UBE2K: variants seen among roughly 807,000 people sequenced by gnomAD.
UBE2K encodes the protein ubiquitin conjugating enzyme E2 K, also known as ubiquitin-conjugating enzyme E2 K.
Under a neutral mutation model 30.0 loss-of-function variants are expected in UBE2K, and 6 were observed. The ratio of observed to expected loss-of-function variants is 0.20; its 90% CI spans 0.11 to 0.39. The LOEUF (loss-of-function observed/expected upper bound fraction) is 0.39, where lower values mean the gene tolerates loss of function less well. Ranked by LOEUF, UBE2K falls within the 10% of genes least tolerant of loss-of-function variation. The pLI is 1.00. For synonymous variants in UBE2K, 86 were observed against 83.7 expected, an observed-to-expected ratio of 1.03 and a Z score of -0.15; for missense variants, 61 against 241.6, an observed-to-expected ratio of 0.25 and a Z score of 4.96.
chr4:39,706,616 C>T (rs1443266136), intron 1 of UBE2K, among the ~76,000 whole-genome samples: 2 of 151,120 alleles, frequency 1.3e-5, no homozygotes, highest in African/African-American at 2.4e-5. Flanking sequence ...GGATTACAGG[C>T]GCGCCCCACC....
chr4:39,768,712 C>G (rs564925488), intron 4 of UBE2K, among the ~76,000 whole-genome samples: 9 of 152,248 alleles, frequency 5.9e-5, no homozygotes, highest in South Asian at 2.1e-4. Context: ...AAACTCCATA[C>G]TGTTTTTCCA....
chr4:39,758,683 TA>T (rs373040924), intron 4 of UBE2K, among the ~76,000 whole-genome samples: 160 of 134,476 alleles, frequency 1.2e-3, no homozygotes, highest in Non-Finnish European at 1.1e-3. Flanking sequence ...ATCTCAAAAA[TA>T]AAAAAAAAAA....
chr4:39,718,716 G>A (rs1177696756), intron 1 of UBE2K, among the ~76,000 whole-genome samples: 5 of 152,222 alleles, frequency 3.3e-5, no homozygotes, highest in African/African-American at 9.6e-5. Flanking sequence ...TGGGGGACCC[G>A]GCCGCATCCT....
rs28407810 is a variant in UBE2K, at chr4:39,769,384, C to G, written c.300-5450C>G. Among the ~76,000 whole-genome samples, 907 of 151,564 alleles carry G rather than the reference C, an allele frequency of 6.0e-3. 11 individuals are homozygous for G. Among genetic ancestry groups the G allele is most frequent in the African/African-American group, 0.021 (864 of 41,234 alleles). On this transcript the variant is annotated intron_variant, in intron 4 of 6. Coordinates refer to ENST00000261427, the MANE Select transcript of UBE2K (RefSeq NM_005339.5). ...CCAACAGCCCTTCTTGTGTTCTTTTCTAAGTGCCTTACCCCCCCACCCCCA... is the reference window on the plus strand; with the variant it reads ...CCAACAGCCCTTCTTGTGTTCTTTTGTAAGTGCCTTACCCCCCCACCCCCA...
chr4:39,757,007 T>TG (rs1560370498), intron 4 of UBE2K, among the ~76,000 whole-genome samples: 1 of 117,614 alleles, frequency 8.5e-6, no homozygotes, highest in African/African-American at 3.6e-5. Context: ...GGTGTTTTTT[T>TG]TTTGTTTTTT....
At chr4:39,757,086 C>T (rs558939730) in intron 4 of UBE2K, among the ~76,000 whole-genome samples, 92 of 138,772 alleles carry the variant, frequency 6.6e-4, no homozygotes, top group African/African-American at 2.3e-3. Context: ...AGTGCAGTGG[C>T]ACGATCTTGG....
intron 1 of UBE2K, among the ~76,000 whole-genome samples, chr4:39,704,384 G>A (rs916254481): frequency 2.6e-5 from 4 of 151,938 alleles, no homozygotes; most frequent in Non-Finnish European, 4.4e-5. Flanking sequence ...TCTGGAATGG[G>A]TTGAGCAAGG....
intron 4 of UBE2K, among the ~76,000 whole-genome samples, chr4:39,762,747 G>C (rs2109389133): frequency 6.6e-6 from 1 of 152,274 alleles, no homozygotes; most frequent in African/African-American, 2.4e-5. Context: ...CGATTCTCCT[G>C]CCTCATCCTC....
chr4:39,768,415 C>T (rs1366137097), intron 4 of UBE2K, among the ~76,000 whole-genome samples: 1 of 147,900 alleles, frequency 6.8e-6, no homozygotes, highest in Non-Finnish European at 1.5e-5. Context: ...CCACTGCACT[C>T]CAGCCTGGGG....
intron 1 of UBE2K, among the ~76,000 whole-genome samples, chr4:39,719,742 C>T (rs893132625): frequency 3.9e-5 from 6 of 152,138 alleles, no homozygotes; most frequent in Admixed American, 6.6e-5. Context: ...TGCTTCTCAG[C>T]GAGCTGATAA....
At chr4:39,715,463 T>A (rs1251954776) in intron 1 of UBE2K, among the ~76,000 whole-genome samples, 4 of 152,050 alleles carry the variant, frequency 2.6e-5, no homozygotes, top group African/African-American at 9.7e-5. Context: ...TGGGCCACCA[T>A]GCCCGTCTGC....
intron 1 of UBE2K, among the ~76,000 whole-genome samples, chr4:39,705,726 C>T (rs1267929506): frequency 2.6e-5 from 4 of 152,134 alleles, no homozygotes; most frequent in African/African-American, 9.6e-5. Context: ...TCGGCTCTAT[C>T]ACCCAGCCTG....
chr4:39,741,795 G>A (rs973858434), intron 2 of UBE2K, among the ~76,000 whole-genome samples: 3 of 152,070 alleles, frequency 2.0e-5, no homozygotes, highest in Non-Finnish European at 4.4e-5. Flanking sequence ...ATTGTTGACA[G>A]CTTAAAAATT....
rs1367802092 is a variant in UBE2K, at chr4:39,728,830, T to G, written c.64-8590T>G. 7.3e-5 allele frequency among the ~76,000 whole-genome samples: 11 copies of G among 150,020 alleles called. No homozygotes were observed. In the South Asian group the frequency reaches 1.9e-3, roughly 26 times the overall value. On this transcript the variant is annotated intron_variant, in intron 1 of 6. Transcript: ENST00000261427. ...GTAGGTTTTTTTTGTTTTTTTTGTT[T>G]TTTTTTTTTTGTATTTTTAGTAGAG... is the stretch of plus-strand genomic sequence containing the variant.
At chr4:39,770,136 G>A (rs1578503530) in intron 4 of UBE2K, 1 of 1,597,826 alleles carries the variant, frequency 6.3e-7, no homozygotes, top group Middle Eastern at 2.2e-4. Flanking sequence ...GTTCTCGGCG[G>A]TGGTCTTGCC....
chr4:39,729,916 C>T (rs1719978564), intron 1 of UBE2K, among the ~76,000 whole-genome samples: 1 of 152,218 alleles, frequency 6.6e-6, no homozygotes, highest in Non-Finnish European at 1.5e-5. Flanking sequence ...AGGAAGCTTC[C>T]TCTTACTTTC....
At chr4:39,775,138 T>C (rs1309697991) in intron 5 of UBE2K, among the ~76,000 whole-genome samples, 1 of 152,254 alleles carries the variant, frequency 6.6e-6, no homozygotes, top group African/African-American at 2.4e-5. Flanking sequence ...GATGCTGTTT[T>C]CCTAACATGA....
At chr4:39,726,236 T>C (rs1338628987) in intron 1 of UBE2K, among the ~76,000 whole-genome samples, 2 of 152,180 alleles carry the variant, frequency 1.3e-5, no homozygotes, top group Non-Finnish European at 2.9e-5. Context: ...CCTCAGGTGT[T>C]CTACCTGCCT....
intron 4 of UBE2K, among the ~76,000 whole-genome samples, chr4:39,766,138 T>TG (rs1712318449): frequency 6.6e-6 from 1 of 152,228 alleles, no homozygotes; most frequent in Non-Finnish European, 1.5e-5. Context: ...CTGGATTATA[T>TG]AGTAACTCTG....
Sources: gnomAD v4.1 joint callset for allele counts (sites outside exome capture counted in the v4.1 genomes callset) on GRCh38, gnomAD v4.1.1 for gene constraint, MANE v1.5 for transcripts, NCBI Gene and HGNC (gene_info 2026-07-23, HGNC 2026-07-21) for gene names.